Variants in GLB1L3 observed in about 807,000 individuals in gnomAD.
GLB1L3 encodes galactosidase beta 1 like 3.
A neutral mutation model predicts 89.5 loss-of-function variants in GLB1L3; 89 were observed. The ratio of observed to expected loss-of-function variants is 0.99; its 90% CI spans 0.84 to 1.19. GLB1L3 has a LOEUF of 1.19. Among genes scored for constraint, GLB1L3 ranks in the 50% most tolerant of loss-of-function variants. The pLI is 0.00. For synonymous variants in GLB1L3, 314 were observed against 312.3 expected (o/e 1.01, Z -0.06); for missense variants, 812 against 813.3 (o/e 1.00, Z 0.02).
intron 11 of GLB1L3, 23 bp downstream of exon 11, chr11:134,309,786 C>T: frequency 1.2e-6 from 2 of 1,610,660 alleles, no homozygotes; most frequent in Non-Finnish European, 1.7e-6. Context: ...GGTGTAGTAG[C>T]CTCTCCAGCA....
intron 10 of GLB1L3, among the ~76,000 whole-genome samples, chr11:134,308,533 T>G: frequency 4.3e-5 from 1 of 23,378 alleles, no homozygotes; most frequent in Non-Finnish European, 9.8e-5. Context: ...CCACCACCAC[T>G]ACCACCACCA....
intron 18 of GLB1L3, 140 bp downstream of exon 18, chr11:134,314,581 A>G: frequency 7.4e-6 from 5 of 671,274 alleles, no homozygotes; most frequent in Non-Finnish European, 1.3e-5. Context: ...CAAGCCTTCC[A>G]ACATTGATCA....
At chr11:134,279,737 T>C (rs1182315932) in intron 3 of GLB1L3, among the ~76,000 whole-genome samples, 1 of 152,230 alleles carries the variant, frequency 6.6e-6, no homozygotes, top group Non-Finnish European at 1.5e-5. Context: ...TTGGAAGTTA[T>C]ATACATCACG....
intron 18 of GLB1L3, chr11:134,317,147 A>G (rs1943020337): frequency 6.6e-6 from 1 of 152,144 alleles, no homozygotes; most frequent in Non-Finnish European, 1.5e-5. Context: ...TTTCTTTTCA[A>G]GTTGAAGGAC....
At chr11:134,310,046 T>G (rs1591584854) in intron 11 of GLB1L3, 1 of 475,328 alleles carries the variant, frequency 2.1e-6, no homozygotes, top group Non-Finnish European at 3.8e-6. Flanking sequence ...GTAGGAACGG[T>G]GACTGCTGTA....
intron 10 of GLB1L3, among the ~76,000 whole-genome samples, chr11:134,309,376 G>T (rs1321908132): frequency 6.6e-6 from 1 of 152,042 alleles, no homozygotes; most frequent in African/African-American, 2.4e-5. Context: ...TAAACAAAAT[G>T]ATGTACAGCA....
chr11:134,310,614 A>G lies in GLB1L3; in HGVS notation c.1143A>G (p.Lys381=), dbSNP rs1237827396. Residue 381 remains lysine, a synonymous_variant, in exon 12 of 20, where the codon AAA becomes AAG. Coordinates refer to ENST00000431683, the MANE Select transcript of GLB1L3 (RefSeq NM_001080407.3). The stretch of plus-strand genomic sequence containing the variant: ...CGGAGGCTGGAGATTACACAGAAAA[A>G]TATCTGAAGCTTCAAAAACTCTTTC... ...VLTEAGDYTE[K]YLKLQKLFQS... 2.0e-5 allele frequency: 32 copies of G among 1,613,648 alleles called. No individual in the cohort carries two copies. The highest frequency in any genetic ancestry group is 2.7e-5 in the Non-Finnish European group (32 of 1,179,706).
downstream of GLB1L3, among the ~76,000 whole-genome samples, chr11:134,321,863 A>G (rs1206956583): frequency 6.6e-6 from 1 of 152,018 alleles, no homozygotes; most frequent in East Asian, 1.9e-4. Flanking sequence ...GCACATGTAT[A>G]CATATGTAAC....
rs1027680288 is a variant in GLB1L3, at chr11:134,309,447, G to T, written c.962-179G>T. Among the ~76,000 whole-genome samples the T allele has an allele frequency of 1.5e-5, 2 of 136,866 alleles. No individual in the cohort carries two copies. Among genetic ancestry groups the T allele is most frequent in the South Asian group, 2.3e-4 (1 of 4,424 alleles). The allele number at this position is 136,866 out of a possible 152,430, so 89.8% of individuals were successfully genotyped here. A position where few individuals can be genotyped will look rare whatever the true frequency, so the allele number is the denominator to read the frequency against. Reference sequence around the variant, plus strand: ...TCATTATAAAATTGAGAGAAAAATTGTTTTTTTTTTTATATCATTTTACTT... The same window carrying T: ...TCATTATAAAATTGAGAGAAAAATTTTTTTTTTTTTTATATCATTTTACTT... On this transcript the variant is annotated intron_variant, in intron 10 of 19. Transcript: ENST00000431683.
chr11:134,312,713 T>C, intron 14 of GLB1L3, 103 bp from the exon 15 acceptor site: 1 of 1,016,702 alleles, frequency 9.8e-7, no homozygotes, highest in South Asian at 1.4e-5. Context: ...GCACCACAGC[T>C]GGTCCCTGCC....
chr11:134,280,062 A>G (rs905032335), intron 3 of GLB1L3, among the ~76,000 whole-genome samples: 36 of 152,100 alleles, frequency 2.4e-4, no homozygotes, highest in African/African-American at 8.4e-4. Context: ...CTTTGGTTAT[A>G]TAGCCCACAA....
intron 9 of GLB1L3, among the ~76,000 whole-genome samples, chr11:134,303,878 C>T (rs1006885484): frequency 4.6e-5 from 7 of 152,032 alleles, no homozygotes; most frequent in Non-Finnish European, 7.4e-5. Context: ...AGTCTCTTCC[C>T]GGCTCTGAAT....
At chr11:134,298,978 T>G (rs1315094667) in intron 9 of GLB1L3, among the ~76,000 whole-genome samples, 1 of 152,206 alleles carries the variant, frequency 6.6e-6, no homozygotes, top group African/African-American at 2.4e-5. Flanking sequence ...CTCACAACTC[T>G]TGGATGCTGT....
intron 8 of GLB1L3, 34 bp downstream of exon 8, chr11:134,292,247 G>C (rs1307396792): frequency 6.6e-7 from 1 of 1,508,954 alleles, no homozygotes; most frequent in African/African-American, 1.4e-5. Flanking sequence ...AGGAGAACAG[G>C]GCTCTCAGCC....
At chr11:134,312,553 G>A in intron 14 of GLB1L3, 64 bp downstream of exon 14, 2 of 1,576,996 alleles carry the variant, frequency 1.3e-6, no homozygotes, top group Non-Finnish European at 1.7e-6. Context: ...TGTCGGGCAG[G>A]GTAGTTGACT....
At position 134,313,959 on chromosome 11, in the gene GLB1L3, G is replaced by A. The variant is rs755867901; in HGVS notation, c.1598G>A (p.Ser533Asn). 2.5e-6 allele frequency: 4 copies of A among 1,611,218 alleles called. No homozygotes were observed. Among genetic ancestry groups the A allele is most frequent in the Non-Finnish European group, 3.4e-6 (4 of 1,177,848 alleles). ...NEQKGITGSV[S>N]INNSSLEGFT... ...TCTGCAGGAATAACTGGATCTGTCA[G>A]CATCAATAACTCTTCCCTGGAGGGC... Residue 533 changes from serine to asparagine, a missense_variant, in exon 17 of 20, where the codon AGC (serine) becomes AAC (asparagine). Physicochemically the swap from Ser to Asn is conservative, Grantham distance 46 (BLOSUM62 1). Around this residue, in one of 3 missense-constraint regions of GLB1L3, gnomAD observed 618 missense variants for 604.0 expected, o/e 1.02. Transcript: ENST00000431683.
At chr11:134,278,009 C>A in intron 3 of GLB1L3, 97 bp downstream of exon 3, 1 of 1,144,534 alleles carries the variant, frequency 8.7e-7, no homozygotes, top group Non-Finnish European at 1.3e-6. Flanking sequence ...AGCGTGAGGA[C>A]TTACCTTCCG....
At position 134,318,750 on chromosome 11, in the gene GLB1L3, A is replaced by T. The variant is rs754303393; in HGVS notation, c.1896+3A>T. 1.1e-5 allele frequency: 18 copies of T among 1,586,010 alleles called. No individual in the cohort carries two copies. The highest frequency in any genetic ancestry group is 1.7e-4 in the Middle Eastern group (1 of 6,042). On this transcript the variant is annotated splice_donor_region_variant and intron_variant, in intron 19 of 19. Coordinates refer to ENST00000431683, the MANE Select transcript of GLB1L3 (RefSeq NM_001080407.3). Reference sequence around the variant, plus strand: ...GGCTTCATCCAGAAGACAATGAGGTATGTCACTCCAGTCTCTGCCTTGAGA... The same window carrying T: ...GGCTTCATCCAGAAGACAATGAGGTTTGTCACTCCAGTCTCTGCCTTGAGA...
chr11:134,314,445 GGTGAT>G lies in GLB1L3; in HGVS notation c.1779+6_1779+10del. 1 of 1,527,508 alleles carries G rather than the reference GGTGAT, an allele frequency of 6.5e-7. No individual in the cohort carries two copies. Among genetic ancestry groups the G allele is most frequent in the Non-Finnish European group, 8.9e-7 (1 of 1,125,058 alleles). 94.6% of individuals were successfully genotyped at this position (1,527,508 alleles called of 1,614,324 possible). Reference sequence around the variant, plus strand: ...GGACACCTTCCTGAGCCTGCTGGTAGGTGATGCCCTCTGCTGCCCTGGTGTTCCAA... The same window carrying G: ...GGACACCTTCCTGAGCCTGCTGGTAGGCCCTCTGCTGCCCTGGTGTTCCAA... On this transcript the variant is annotated splice_donor_5th_base_variant and intron_variant, in intron 18 of 19. Transcript: ENST00000431683.
Sources: gnomAD v4.1 joint callset for allele counts (sites outside exome capture counted in the v4.1 genomes callset) on GRCh38, gnomAD v4.1.1 for gene constraint, gnomAD v4.1.1 regional missense constraint, MANE v1.5 for transcripts, NCBI Gene and HGNC (gene_info 2026-07-23, HGNC 2026-07-21) for gene names.